Variants in ARSK observed in about 807,000 individuals in gnomAD.
The protein encoded by ARSK is arylsulfatase K.
In ARSK, 37 loss-of-function variants were observed where a neutral mutation model predicts 53.2. The ratio of observed to expected loss-of-function variants is 0.70; its 90% confidence interval spans 0.54 to 0.92. The LOEUF (loss-of-function observed/expected upper bound fraction) is 0.92. Among genes scored for constraint, ARSK ranks in the 40% least tolerant of loss-of-function variants. The probability of loss-of-function intolerance (pLI) is 0.00; values close to 1 mark genes in which losing one functional copy is unlikely to be tolerated. For missense variants in ARSK, 613 were observed against 643.0 expected (o/e 0.95, Z 0.51); for synonymous variants, 208 against 223.2 (o/e 0.93, Z 0.61).
chr5:95,568,524 G>T (rs1041057765), intron 3 of ARSK, among the ~76,000 whole-genome samples: 1 of 152,008 alleles, frequency 6.6e-6, no homozygotes, highest in African/African-American at 2.4e-5. Context: ...GCCTGCTTTT[G>T]AATTATAGTT....
Position 95,586,710 on chromosome 5 carries a change from G to A in ARSK, c.848G>A (p.Cys283Tyr), listed in dbSNP as rs200281345. ...KNIRAFYYAM[C>Y]AETDAMLGEI... ...ATTAGAGCATTTTATTATGCTATGTGTGCTGAGACAGATGCCATGCTTGGT... is the reference window on the plus strand; with the variant it reads ...ATTAGAGCATTTTATTATGCTATGTATGCTGAGACAGATGCCATGCTTGGT... The change falls in exon 5 of 8, where the codon TGT becomes TAT. Residue 283 changes from cysteine (C) to tyrosine (Y), a missense_variant. Transcript: ENST00000380009. The A allele has an allele frequency of 2.5e-6, 4 of 1,600,520 alleles. No individual in the cohort carries two copies. Among genetic ancestry groups the A allele is most frequent in the Non-Finnish European group, 3.4e-6 (4 of 1,175,752 alleles).
intron 2 of ARSK, 135 bp downstream of exon 2, chr5:95,566,262 A>T: frequency 9.1e-7 from 1 of 1,095,052 alleles, no homozygotes; most frequent in Non-Finnish European, 1.3e-6. Flanking sequence ...AAAGATGTGC[A>T]TTTTAAGGTA....
chr5:95,596,589 T>G (rs1338145789), intron 6 of ARSK, among the ~76,000 whole-genome samples: 1 of 152,100 alleles, frequency 6.6e-6, no homozygotes, highest in Non-Finnish European at 1.5e-5. Flanking sequence ...AAAAAAACAC[T>G]TCTTGTATCA....
At chr5:95,594,553 T>C (rs1235304605) in intron 6 of ARSK, among the ~76,000 whole-genome samples, 4 of 152,142 alleles carry the variant, frequency 2.6e-5, no homozygotes, top group African/African-American at 4.8e-5. Context: ...TTAGAAATAG[T>C]CCTTCTTGCT....
intron 6 of ARSK, 91 bp downstream of exon 6, chr5:95,591,716 C>A: frequency 7.9e-7 from 1 of 1,263,630 alleles, no homozygotes; most frequent in Non-Finnish European, 1.1e-6. Context: ...AGTTAGTAGT[C>A]AGAGGTCCTG....
intron 7 of ARSK, 96 bp from the exon 8 acceptor site, chr5:95,603,140 TA>T (rs138935954): frequency 5.7e-3 from 5,098 of 898,884 alleles, no homozygotes; most frequent in South Asian, 8.2e-3. Flanking sequence ...ACTGAAAATC[TA>T]AAAAAAAAAT....
chr5:95,566,084 G>A lies in ARSK; in HGVS notation c.213G>A (p.Leu71=), dbSNP rs1025968493. The A allele has an allele frequency of 1.9e-6, 3 of 1,613,720 alleles. No individual in the cohort carries two copies. The highest frequency in any genetic ancestry group is 2.5e-6 in the Non-Finnish European group (3 of 1,179,862). Reference sequence around the variant, plus strand: ...TGAAGACACGTGGGACTTCCTTTCTGAATGCCTACACAAACTCTCCAATTT... The same window carrying A: ...TGAAGACACGTGGGACTTCCTTTCTAAATGCCTACACAAACTCTCCAATTT... ...NFMKTRGTSF[L]NAYTNSPICC... is the part of the protein sequence containing the mutation. The change falls in exon 2 of 8, where the codon CTG becomes CTA. Residue 71 remains leucine, a synonymous_variant. Transcript: ENST00000380009.
chr5:95,591,554 G>C lies in ARSK; in HGVS notation c.1025G>C (p.Gly342Ala), dbSNP rs1186186407. ...ASAHVPLLMM[G>A]PGIKAGLQVS... is the part of the protein sequence containing the mutation. ...GCACATGTTCCGCTTTTGATGATGG[G>C]ACCAGGAATTAAAGCCGGCCTACAA... The change falls in exon 6 of 8, where the codon GGA (glycine) becomes GCA (alanine). Residue 342 changes from glycine (G) to alanine (A), a missense_variant. Transcript: ENST00000380009. 3 of 1,614,014 alleles carry C rather than the reference G, an allele frequency of 1.9e-6. No homozygotes were observed. Among genetic ancestry groups the C allele is most frequent in the Non-Finnish European group, 2.5e-6 (3 of 1,180,032 alleles).
intron 1 of ARSK, among the ~76,000 whole-genome samples, chr5:95,559,057 G>T (rs534181299): frequency 6.6e-6 from 1 of 152,320 alleles, no homozygotes; most frequent in African/African-American, 2.4e-5. Context: ...AGGGAGAATT[G>T]CTTGAACCCA....
chr5:95,590,045 A>G (rs945249597), intron 5 of ARSK, among the ~76,000 whole-genome samples: 2 of 152,238 alleles, frequency 1.3e-5, no homozygotes, highest in South Asian at 2.1e-4. Context: ...TTGAATGAGC[A>G]TAAATGCTAA....
At chr5:95,589,098 C>T (rs1221522010) in intron 5 of ARSK, among the ~76,000 whole-genome samples, 1 of 152,176 alleles carries the variant, frequency 6.6e-6, no homozygotes, top group Non-Finnish European at 1.5e-5. Flanking sequence ...CTTTAGATCC[C>T]AGCTCAGTTG....
intron 5 of ARSK, among the ~76,000 whole-genome samples, chr5:95,589,266 C>T (rs985830257): frequency 2.6e-5 from 4 of 152,144 alleles, no homozygotes; most frequent in African/African-American, 7.2e-5. Flanking sequence ...TTCATGAGGG[C>T]GGGGACATTC....
intron 1 of ARSK, among the ~76,000 whole-genome samples, chr5:95,557,458 A>C (rs998969692): frequency 6.6e-6 from 1 of 152,184 alleles, no homozygotes; most frequent in Non-Finnish European, 1.5e-5. Context: ...GCAATTACTT[A>C]TTTGCTTTAT....
chr5:95,600,215 C>T (rs776861187), intron 6 of ARSK, among the ~76,000 whole-genome samples: 1 of 152,138 alleles, frequency 6.6e-6, no homozygotes, highest in Non-Finnish European at 1.5e-5. Flanking sequence ...GATGCTAGTC[C>T]CTCAAGATGC....
chr5:95,598,644 T>C (rs1749350246), intron 6 of ARSK, among the ~76,000 whole-genome samples: 1 of 152,174 alleles, frequency 6.6e-6, no homozygotes. Flanking sequence ...ACACCTCTGC[T>C]CAAAACCCTC....
At chr5:95,580,947 A>G in intron 3 of ARSK, 1 of 1,283,632 alleles carries the variant, frequency 7.8e-7, no homozygotes, top group Non-Finnish European at 1.0e-6. Context: ...AGAAAGGTAA[A>G]AATACCTTTT....
intron 3 of ARSK, among the ~76,000 whole-genome samples, chr5:95,581,731 A>G (rs1243349505): frequency 6.6e-6 from 1 of 150,398 alleles, no homozygotes; most frequent in Non-Finnish European, 1.5e-5. Context: ...ACATATAGTA[A>G]GAGTTAGCTA....
At chr5:95,573,857 C>T (rs1443443891) in intron 3 of ARSK, among the ~76,000 whole-genome samples, 1 of 152,150 alleles carries the variant, frequency 6.6e-6, no homozygotes, top group Non-Finnish European at 1.5e-5. Flanking sequence ...AAGCATTTGT[C>T]CTTTGTGTTA....
intron 6 of ARSK, among the ~76,000 whole-genome samples, chr5:95,593,144 T>C (rs929753127): frequency 2.6e-5 from 4 of 152,184 alleles, no homozygotes; most frequent in South Asian, 4.1e-4. Context: ...TTTTTCTTCA[T>C]GTAGAACTCT....
Sources: allele counts gnomAD v4.1 joint callset (sites outside exome capture counted in the v4.1 genomes callset), GRCh38; gene constraint gnomAD v4.1.1; transcripts MANE v1.5; gene names NCBI Gene and HGNC (gene_info 2026-07-23, HGNC 2026-07-21).